The following CTNNA3 variants were observed in gnomAD, a reference collection of about 807,000 sequenced individuals.
The protein encoded by CTNNA3 is catenin alpha 3, also known as catenin alpha-3.
In CTNNA3, 76 loss-of-function variants were observed where a neutral mutation model predicts 95.7. That is an observed-to-expected ratio of 0.79 (90% CI 0.66 to 0.96). The LOEUF is 0.96. CTNNA3 is among the 40% of genes least tolerant of loss of function. CTNNA3 has a pLI of 0.00. For synonymous variants in CTNNA3, 431 were observed against 374.4 expected (o/e 1.15, Z -1.74); for missense variants, 1,191 against 1,089.8 (o/e 1.09, Z -1.31).
At chr10:66,457,566 G>C (rs534540694) in intron 11 of CTNNA3, among the ~76,000 whole-genome samples, 1 of 151,586 alleles carries the variant, frequency 6.6e-6, no homozygotes, top group African/African-American at 2.4e-5. Context: ...TATAAACACA[G>C]CTCCATTCAT....
intron 7 of CTNNA3, among the ~76,000 whole-genome samples, chr10:67,043,131 CTTTCTT>C (rs1854509199): frequency 1.7e-5 from 1 of 60,210 alleles, no homozygotes. Context: ...GGCTCACTTT[CTTTCTT>C]TTTTTTTTTT....
intron 7 of CTNNA3, among the ~76,000 whole-genome samples, chr10:66,837,253 T>C (rs1005667636): frequency 4.6e-5 from 7 of 152,108 alleles, no homozygotes; most frequent in Admixed American, 4.6e-4. Context: ...TCACAAGCCT[T>C]TTGGCAAAAG....
intron 9 of CTNNA3, among the ~76,000 whole-genome samples, chr10:66,747,856 T>G (rs777284165): frequency 3.3e-5 from 5 of 152,178 alleles, no homozygotes. Flanking sequence ...TATCTTCCTC[T>G]TGCTTTCTAA....
intron 12 of CTNNA3, among the ~76,000 whole-genome samples, chr10:66,284,121 G>A (rs1056196739): frequency 2.6e-5 from 4 of 151,910 alleles, no homozygotes; most frequent in East Asian, 1.9e-4. Context: ...ACACCCCGGC[G>A]ACTTCAAAGT....
At chr10:67,232,261 C>G (rs1170965271) in intron 5 of CTNNA3, among the ~76,000 whole-genome samples, 2 of 152,124 alleles carry the variant, frequency 1.3e-5, no homozygotes, top group African/African-American at 2.4e-5. Flanking sequence ...CAGCCAGAGA[C>G]AAAGCTTGGG....
chr10:67,422,893 A>T (rs1355484385), intron 5 of CTNNA3, among the ~76,000 whole-genome samples: 1 of 152,108 alleles, frequency 6.6e-6, no homozygotes, highest in Non-Finnish European at 1.5e-5. Flanking sequence ...CCCCCAAAAT[A>T]TTAATCTGTC....
At chr10:66,697,149 T>G (rs1383024597) in intron 9 of CTNNA3, among the ~76,000 whole-genome samples, 1 of 151,654 alleles carries the variant, frequency 6.6e-6, no homozygotes, top group Admixed American at 6.6e-5. Context: ...AAAATCTTCC[T>G]CTTAGAAGAA....
At chr10:66,762,912 A>T (rs1839659014) in intron 9 of CTNNA3, among the ~76,000 whole-genome samples, 1 of 151,896 alleles carries the variant, frequency 6.6e-6, no homozygotes, top group Non-Finnish European at 1.5e-5. Context: ...CTGATTTTAG[A>T]TTTCTCTGAC....
At chr10:66,794,075 G>C (rs537218643) in intron 7 of CTNNA3, among the ~76,000 whole-genome samples, 1 of 152,240 alleles carries the variant, frequency 6.6e-6, no homozygotes, top group East Asian at 1.9e-4. Flanking sequence ...TAAATTACCT[G>C]GCCAGAAATA....
chr10:67,178,466 C>G (rs551443475), intron 7 of CTNNA3, among the ~76,000 whole-genome samples: 1 of 151,860 alleles, frequency 6.6e-6, no homozygotes, highest in Admixed American at 6.6e-5. Context: ...CAAAAATAAC[C>G]TTTCATAGGT....
At chr10:66,807,258 T>C (rs980672586) in intron 7 of CTNNA3, among the ~76,000 whole-genome samples, 5 of 152,070 alleles carry the variant, frequency 3.3e-5, no homozygotes, top group Non-Finnish European at 5.9e-5. Flanking sequence ...CCAAAACTGC[T>C]TGGATCCAGA....
upstream of CTNNA3, among the ~76,000 whole-genome samples, chr10:67,701,084 TA>T (rs1564836128): frequency 6.6e-6 from 1 of 151,934 alleles, no homozygotes; most frequent in Non-Finnish European, 1.5e-5. Flanking sequence ...GAAGAAAGCA[TA>T]AAAAGAAACG....
At chr10:67,354,289 G>T (rs1842734573) in intron 5 of CTNNA3, among the ~76,000 whole-genome samples, 1 of 151,996 alleles carries the variant, frequency 6.6e-6, no homozygotes, top group South Asian at 2.1e-4. Context: ...CTACAAGGTT[G>T]CTGCAGATCT....
intron 3 of CTNNA3, among the ~76,000 whole-genome samples, chr10:67,598,979 T>C (rs1248393697): frequency 6.6e-6 from 1 of 152,214 alleles, no homozygotes; most frequent in Non-Finnish European, 1.5e-5. Context: ...ATCTGTGCTG[T>C]GATTTCAATT....
At chr10:66,667,891 A>C (rs1430200075) in intron 9 of CTNNA3, among the ~76,000 whole-genome samples, 1 of 152,136 alleles carries the variant, frequency 6.6e-6, no homozygotes, top group Non-Finnish European at 1.5e-5. Context: ...TTTTCAAAAA[A>C]GATTATAAAC....
rs1305604838 is a variant in CTNNA3 at position 67,732,314 on chromosome 10, A to G, written c.-2+31120T>C. Among the ~76,000 whole-genome samples, 3 of 152,218 alleles carry G rather than the reference A, an allele frequency of 2.0e-5. No individual in the cohort carries two copies. The East Asian group carries it at 5.8e-4, about 29-fold the overall frequency. Reference sequence around the variant, plus strand: ...ATTGTGCTTAAATTAAAACATGTTTATGCATATATAGATATGTATTCAGTT... The same window carrying G: ...ATTGTGCTTAAATTAAAACATGTTTGTGCATATATAGATATGTATTCAGTT... On this transcript the variant is annotated intron_variant, in intron 1 of 17. Transcript: ENST00000684154.
chr10:66,798,081 C>T (rs932582461), intron 7 of CTNNA3, among the ~76,000 whole-genome samples: 2 of 151,760 alleles, frequency 1.3e-5, no homozygotes, highest in African/African-American at 4.8e-5. Flanking sequence ...CAGAGCTATC[C>T]ACTTACAGGT....
At chr10:67,008,104 T>C (rs1852114437) in intron 7 of CTNNA3, among the ~76,000 whole-genome samples, 1 of 152,022 alleles carries the variant, frequency 6.6e-6, no homozygotes, top group African/African-American at 2.4e-5. Flanking sequence ...CCCATCTTTA[T>C]CCTGCAGTAG....
At chr10:67,708,090 G>A (rs1841087707) in intron 1 of CTNNA3, among the ~76,000 whole-genome samples, 1 of 152,096 alleles carries the variant, frequency 6.6e-6, no homozygotes, top group Non-Finnish European at 1.5e-5. Flanking sequence ...AACTATTGAA[G>A]TTGACACATT....
Sources: allele counts gnomAD v4.1 joint callset (sites outside exome capture counted in the v4.1 genomes callset), GRCh38; gene constraint gnomAD v4.1.1; transcripts MANE v1.5; gene names NCBI Gene and HGNC (gene_info 2026-07-23, HGNC 2026-07-21).